CRTAC1: variants seen among roughly 807,000 people sequenced by gnomAD.
The protein encoded by CRTAC1 is acidic secreted protein in cartilage.
Under a neutral mutation model 67.8 loss-of-function variants are expected in CRTAC1, and 37 were observed. That is an observed-to-expected ratio of 0.55 (90% CI 0.42 to 0.72). CRTAC1 has a LOEUF of 0.72. Ranked by LOEUF, CRTAC1 falls within the 30% of genes least tolerant of loss-of-function variation. The pLI, the probability that CRTAC1 is intolerant of heterozygous loss-of-function variation, is 0.00. For synonymous variants in CRTAC1, 348 were observed against 371.0 expected, an observed-to-expected ratio of 0.94 and a Z score of 0.71; for missense variants, 780 against 931.6, an observed-to-expected ratio of 0.84 and a Z score of 2.12.
intron 2 of CRTAC1, among the ~76,000 whole-genome samples, chr10:97,976,709 CCTA>C (rs1193436794): frequency 6.6e-6 from 1 of 152,234 alleles, no homozygotes; most frequent in Non-Finnish European, 1.5e-5. Context: ...TTTATCCTCT[CCTA>C]CTCCACTCTG....
intron 2 of CRTAC1, among the ~76,000 whole-genome samples, chr10:97,994,778 T>A (rs1842523456): frequency 6.6e-6 from 1 of 152,196 alleles, no homozygotes. Flanking sequence ...GCTACTTTGA[T>A]TGGCAGCCCC....
intron 14 of CRTAC1, chr10:97,871,477 A>G (rs2050092915): frequency 6.6e-6 from 1 of 152,246 alleles, no homozygotes; most frequent in Non-Finnish European, 1.5e-5. Context: ...CGATGGCCTC[A>G]TGATGTAGAT....
At chr10:98,008,357 T>C (rs535512000) in intron 2 of CRTAC1, among the ~76,000 whole-genome samples, 112 of 148,860 alleles carry the variant, frequency 7.5e-4, no homozygotes, top group Admixed American at 1.6e-3. Flanking sequence ...GTGGGTGTGC[T>C]TGGCCCTTCG....
At chr10:97,965,697 A>G (rs1237245217) in intron 2 of CRTAC1, among the ~76,000 whole-genome samples, 1 of 152,062 alleles carries the variant, frequency 6.6e-6, no homozygotes, top group Non-Finnish European at 1.5e-5. Flanking sequence ...TTTAGCCTCT[A>G]TGGGCTATAT....
chr10:98,024,738 A>AT (rs1843189817), intron 1 of CRTAC1, among the ~76,000 whole-genome samples: 2 of 112,022 alleles, frequency 1.8e-5, no homozygotes, highest in Admixed American at 2.1e-4. Context: ...GAGAATGATT[A>AT]TATTATCCTT....
In CRTAC1 at chr10:97,889,486, C is replaced by T. The variant is rs7907699; in HGVS notation, c.1487-5135G>A. Among the ~76,000 whole-genome samples the T allele has an allele frequency of 6.0e-3, 908 of 152,084 alleles. 8 individuals carry two copies. Among genetic ancestry groups the T allele is most frequent in the African/African-American group, 0.021 (863 of 41,486 alleles). ...GGTCCACTGAGCAAGGCAGGGTCCA[C>T]TGAGAAGGGACCCCACAGCAAGATG... On this transcript the variant is annotated intron_variant, in intron 11 of 14. Transcript: ENST00000370597.
intron 2 of CRTAC1, among the ~76,000 whole-genome samples, chr10:97,997,091 G>T (rs201652974): frequency 3.7e-5 from 4 of 109,348 alleles, no homozygotes; most frequent in Admixed American, 2.2e-4. Context: ...GTTGTGGGGT[G>T]GGGGGAGGGG....
At chr10:97,984,736 G>T (rs1331464098) in intron 2 of CRTAC1, among the ~76,000 whole-genome samples, 1 of 152,154 alleles carries the variant, frequency 6.6e-6, no homozygotes, top group African/African-American at 2.4e-5. Flanking sequence ...ACTTGTTTGG[G>T]CACGTGATGC....
At chr10:97,881,311 T>C (rs1009537920) in intron 13 of CRTAC1, among the ~76,000 whole-genome samples, 1 of 152,210 alleles carries the variant, frequency 6.6e-6, no homozygotes, top group Non-Finnish European at 1.5e-5. Context: ...TTTTCACTCC[T>C]GCCCTTCCCT....
intron 3 of CRTAC1, among the ~76,000 whole-genome samples, chr10:97,930,818 G>A (rs1437821097): frequency 6.6e-6 from 1 of 151,820 alleles, no homozygotes; most frequent in Non-Finnish European, 1.5e-5. Flanking sequence ...CTCTGCTGAA[G>A]ACCTCTTTAA....
chr10:97,865,640 C>CGGCAGCAGCAGCGGCAGT lies in CRTAC1; in HGVS notation c.1876_1893dup (p.Thr626_Ala631dup), dbSNP rs775252392. 5 of 1,612,212 alleles carry CGGCAGCAGCAGCGGCAGT rather than the reference C, an allele frequency of 3.1e-6. No homozygotes were observed. The African/African-American group carries it at 4.0e-5, about 13-fold the overall frequency. On this transcript the variant is annotated inframe_insertion, in exon 15 of 15. Transcript: ENST00000370597. ...GGTGCAGCAGTGGCAGCTCCAGCAG[C>CGGCAGCAGCAGCGGCAGT]GGCAGCAGCAGCGGCAGTGGCAGCA...
chr10:97,917,582 C>A lies in CRTAC1; in HGVS notation c.633G>T (p.Met211Ile). The A allele has an allele frequency of 1.2e-6, 2 of 1,603,944 alleles. No individual in the cohort carries two copies. Among genetic ancestry groups the A allele is most frequent in the Non-Finnish European group, 1.7e-6 (2 of 1,174,512 alleles). ...GGGAGAGGTCACTGGCCTCAGGGTC[C>A]ATTTCAATGAGGGCATCAGGGCCCA... ...GNVGPDALIE[M>I]DPEASDLSRG... Residue 211 changes from methionine to isoleucine, a missense_variant, in exon 5 of 15, where the codon ATG (methionine) becomes ATT (isoleucine). Coordinates refer to ENST00000370597, the MANE Select transcript of CRTAC1 (RefSeq NM_018058.7).
At chr10:97,963,767 G>A (rs1248499602) in intron 2 of CRTAC1, among the ~76,000 whole-genome samples, 1 of 152,198 alleles carries the variant, frequency 6.6e-6, no homozygotes, top group African/African-American at 2.4e-5. Context: ...AGGTGCTTTG[G>A]TAAACACCAT....
chr10:98,027,368 G>A (rs969318732), intron 1 of CRTAC1, among the ~76,000 whole-genome samples: 1 of 152,214 alleles, frequency 6.6e-6, no homozygotes, highest in Non-Finnish European at 1.5e-5. Context: ...CTGACCTTGA[G>A]CTGGGAGCAG....
At chr10:97,909,401 C>T (rs2050658486) in intron 5 of CRTAC1, among the ~76,000 whole-genome samples, 1 of 152,152 alleles carries the variant, frequency 6.6e-6, no homozygotes, top group African/African-American at 2.4e-5. Context: ...GCTCTGTGAC[C>T]CTGGGCAATT....
chr10:97,967,079 C>T (rs1282078895), intron 2 of CRTAC1, among the ~76,000 whole-genome samples: 2 of 151,632 alleles, frequency 1.3e-5, no homozygotes, highest in Non-Finnish European at 2.9e-5. Context: ...GCTTCAGCTC[C>T]TCTGGGGTGG....
chr10:97,991,471 T>G (rs1014154390), intron 2 of CRTAC1, among the ~76,000 whole-genome samples: 1 of 149,220 alleles, frequency 6.7e-6, no homozygotes, highest in Non-Finnish European at 1.5e-5. Flanking sequence ...AAAAGTTACA[T>G]AGTGTCATTT....
At chr10:97,892,799 G>C (rs2050397164) in intron 11 of CRTAC1, among the ~76,000 whole-genome samples, 1 of 152,204 alleles carries the variant, frequency 6.6e-6, no homozygotes, top group Non-Finnish European at 1.5e-5. Flanking sequence ...TGCCTTAGGA[G>C]TGATAAACAC....
chr10:97,948,453 C>T (rs1430725748), intron 2 of CRTAC1, among the ~76,000 whole-genome samples: 1 of 152,112 alleles, frequency 6.6e-6, no homozygotes, highest in Non-Finnish European at 1.5e-5. Context: ...CTCTGAAAGT[C>T]CTAAGATATG....
Sources: allele counts gnomAD v4.1 joint callset (sites outside exome capture counted in the v4.1 genomes callset), GRCh38; gene constraint gnomAD v4.1.1; transcripts MANE v1.5; gene names NCBI Gene and HGNC (gene_info 2026-07-23, HGNC 2026-07-21).